The following MARK4 variants were observed in gnomAD, a reference collection of about 807,000 sequenced individuals.
MARK4 encodes microtubule affinity regulating kinase 4, also known as MAP/microtubule affinity-regulating kinase 4.
A neutral mutation model predicts 81.5 loss-of-function variants in MARK4; 19 were observed. That is an observed-to-expected ratio of 0.23 (90% CI 0.16 to 0.34). The LOEUF (loss-of-function observed/expected upper bound fraction) is 0.34. Among genes scored for constraint, MARK4 ranks in the 10% least tolerant of loss-of-function variants. MARK4 has a pLI of 1.00. For synonymous variants in MARK4, 436 were observed against 439.0 expected (o/e 0.99, Z 0.08); for missense variants, 772 against 1,058.8 (o/e 0.73, Z 3.76).
intron 8 of MARK4, 57 bp from the exon 9 acceptor site, chr19:45,277,866 T>TGC: frequency 7.2e-7 from 1 of 1,393,248 alleles, no homozygotes; most frequent in South Asian, 1.3e-5. Context: ...TGTGTGTGTG[T>TGC]GTGTAATAGG....
intron 13 of MARK4, among the ~76,000 whole-genome samples, chr19:45,293,685 A>G (rs1970847568): frequency 6.6e-6 from 1 of 152,200 alleles, no homozygotes; most frequent in Admixed American, 6.5e-5. Context: ...CTCTCTTCCT[A>G]ACATGTTTAT....
At position 45,304,349 on chromosome 19, in the gene MARK4, C is replaced by G. The variant is rs1172878137; in HGVS notation, c.*1639C>G. 1 of 152,208 alleles carries G rather than the reference C, an allele frequency of 6.6e-6. No individual in the cohort carries two copies. The highest frequency in any genetic ancestry group is 2.4e-5 in the African/African-American group (1 of 41,450). 9.4% of individuals were successfully genotyped at this position (152,208 alleles called of 1,614,324 possible). Reference sequence around the variant, plus strand: ...TTTCTCTAAACCAATCACTGTGACTCTAGAGTGGCCAGACTCAGAGCTGCA... The same window carrying G: ...TTTCTCTAAACCAATCACTGTGACTGTAGAGTGGCCAGACTCAGAGCTGCA... On this transcript the variant is annotated 3_prime_UTR_variant, in exon 17 of 17. Transcript: ENST00000262891.
At chr19:45,252,089 C>A (rs1019086062) in intron 1 of MARK4, among the ~76,000 whole-genome samples, 1 of 152,048 alleles carries the variant, frequency 6.6e-6, no homozygotes, top group African/African-American at 2.4e-5. Flanking sequence ...CTCCGGCCTT[C>A]CCTGTCTGGG....
At position 45,280,367 on chromosome 19, in the gene MARK4, C is replaced by T. The variant is rs773724421; in HGVS notation, c.1007-7C>T. 2.5e-6 allele frequency: 4 copies of T among 1,610,464 alleles called. No individual in the cohort carries two copies. The highest frequency in any genetic ancestry group is 2.2e-5 in the East Asian group (1 of 44,864). ...GTCTGAAACTTCTCTCCATCCCCCCCTCCCAGAGGTGATGGTGGGTATGGG... is the reference window on the plus strand; with the variant it reads ...GTCTGAAACTTCTCTCCATCCCCCCTTCCCAGAGGTGATGGTGGGTATGGG... On this transcript the variant is annotated splice_polypyrimidine_tract_variant and splice_region_variant and intron_variant, in intron 10 of 16. Coordinates refer to ENST00000262891, the MANE Select transcript of MARK4 (RefSeq NM_001199867.2).
intron 2 of MARK4, among the ~76,000 whole-genome samples, chr19:45,260,489 C>T (rs922649891): frequency 2.0e-5 from 3 of 151,368 alleles, no homozygotes; most frequent in Non-Finnish European, 4.4e-5. Context: ...GTCAGGAGTT[C>T]GAGACCAGCC....
chr19:45,269,712 A>G (rs1443335457), intron 7 of MARK4, among the ~76,000 whole-genome samples: 1 of 152,170 alleles, frequency 6.6e-6, no homozygotes, highest in Non-Finnish European at 1.5e-5. Flanking sequence ...TTTAGATTCT[A>G]GTTGTGCTGC....
chr19:45,271,773 A>C lies in MARK4; in HGVS notation c.786+65A>C. Reference sequence around the variant, plus strand: ...CCACAGTCAGGCCCCTATCCCCCCCACACCTCCCCTGCAGAGGGCCTCAGT... The same window carrying C: ...CCACAGTCAGGCCCCTATCCCCCCCCCACCTCCCCTGCAGAGGGCCTCAGT... On this transcript the variant is annotated intron_variant, in intron 8 of 16. Transcript: ENST00000262891. This position sits in a 1 kb window ranked among gnomAD's most constrained non-coding sequence, Gnocchi z 4.1. The C allele has an allele frequency of 6.3e-6, 9 of 1,432,900 alleles. No homozygotes were observed. The highest frequency in any genetic ancestry group is 8.7e-6 in the Non-Finnish European group (9 of 1,039,878). 88.8% of individuals were successfully genotyped at this position (1,432,900 alleles called of 1,614,324 possible). A position where few individuals can be genotyped will look rare whatever the true frequency, so the allele number is the denominator to read the frequency against.
At chr19:45,283,387 C>T (rs1241167194) in intron 12 of MARK4, among the ~76,000 whole-genome samples, 2 of 126,236 alleles carry the variant, frequency 1.6e-5, no homozygotes, top group East Asian at 2.4e-4. Flanking sequence ...CTAGCCTGGG[C>T]GATAAGAGTG....
rs1265670036 is a variant in MARK4, at chr19:45,278,632, G to A, written c.1006+17G>A. 1 of 1,592,466 alleles carries A rather than the reference G, an allele frequency of 6.3e-7. No homozygotes were observed. Among genetic ancestry groups the A allele is most frequent in the East Asian group, 2.2e-5 (1 of 44,722 alleles). On this transcript the variant is annotated intron_variant, in intron 10 of 16. Coordinates refer to ENST00000262891, the MANE Select transcript of MARK4 (RefSeq NM_001199867.2). The stretch of plus-strand genomic sequence containing the variant: ...AGAGAATTGGTGAGGGTCAGGGAGA[G>A]CCATCCTGTCACCCAGGATGGAGTG...
chr19:45,277,433 ATTTTTTTTTT>A (rs35920861), intron 8 of MARK4, among the ~76,000 whole-genome samples: 2 of 131,874 alleles, frequency 1.5e-5, no homozygotes, highest in African/African-American at 5.9e-5. Context: ...TGTAGCTTAA[ATTTTTTTTTT>A]TTTTTTTTTG....
intron 14 of MARK4, among the ~76,000 whole-genome samples, chr19:45,296,797 C>T (rs764741667): frequency 6.6e-6 from 1 of 152,202 alleles, no homozygotes; most frequent in Non-Finnish European, 1.5e-5. Flanking sequence ...CACCTGGAAT[C>T]CCAGCACTTT....
At chr19:45,263,755 A>AG (rs1382282306) in intron 4 of MARK4, among the ~76,000 whole-genome samples, 3 of 151,660 alleles carry the variant, frequency 2.0e-5, no homozygotes, top group Non-Finnish European at 4.4e-5. Context: ...AAAAAAAAAA[A>AG]AAGAAAAAGT....
chr19:45,266,205 A>C lies in MARK4; in HGVS notation c.493-20A>C, dbSNP rs748783676. The C allele has an allele frequency of 6.2e-7, 1 of 1,613,510 alleles. No homozygotes were observed. The highest frequency in any genetic ancestry group is 2.2e-5 in the East Asian group (1 of 44,870). On this transcript the variant is annotated intron_variant, in intron 6 of 16. Transcript: ENST00000262891. Reference sequence around the variant, plus strand: ...GGGTTTTGGGAGCCACAAATAACCAACCTTCCCCTTCCCTCCCAGATTGTT... The same window carrying C: ...GGGTTTTGGGAGCCACAAATAACCACCCTTCCCCTTCCCTCCCAGATTGTT...
rs1223181986 is a variant in MARK4 at position 45,297,869 on chromosome 19, G to T, written c.1792G>T (p.Ala598Ser). 6.5e-7 allele frequency: 1 copy of T among 1,548,622 alleles called. No individual in the cohort carries two copies. The highest frequency in any genetic ancestry group is 1.4e-5 in the African/African-American group (1 of 72,994). ...QNGPPASPTL[A>S]HEAAPLPAGR... ...TGGGCCCCCTGCCTCTCCCACACTG[G>T]CCCATGAGGCTGCACCCCTGCCCGC... The change falls in exon 15 of 17, where the codon GCC becomes TCC. Residue 598 changes from alanine (A) to serine (S), a missense_variant. Coordinates refer to ENST00000262891, the MANE Select transcript of MARK4 (RefSeq NM_001199867.2).
At chr19:45,300,702 A>G (rs1178337773) in intron 16 of MARK4, among the ~76,000 whole-genome samples, 1 of 152,152 alleles carries the variant, frequency 6.6e-6, no homozygotes, top group African/African-American at 2.4e-5. Flanking sequence ...TTAGAGACCC[A>G]AGTGGAAACC....
intron 14 of MARK4, 145 bp downstream of exon 14, chr19:45,294,597 G>C: frequency 1.4e-6 from 1 of 697,522 alleles, no homozygotes; most frequent in South Asian, 1.7e-5. Context: ...TGGCAGAATC[G>C]ACCCATGTAC....
intron 8 of MARK4, among the ~76,000 whole-genome samples, chr19:45,276,146 C>T (rs1033549476): frequency 6.6e-6 from 1 of 152,220 alleles, no homozygotes; most frequent in Non-Finnish European, 1.5e-5. Context: ...CCTGCTTCAG[C>T]CTCCTGAGTA....
chr19:45,256,107 T>A (rs1358200394), intron 1 of MARK4, among the ~76,000 whole-genome samples: 1 of 152,096 alleles, frequency 6.6e-6, no homozygotes, highest in Non-Finnish European at 1.5e-5. Flanking sequence ...GGAAGGAGGA[T>A]AACAGGGATT....
chr19:45,294,267 G>A, intron 13 of MARK4, 82 bp from the exon 14 acceptor site: 3 of 1,314,484 alleles, frequency 2.3e-6, no homozygotes, highest in Non-Finnish European at 3.3e-6. Context: ...TTCATCGATG[G>A]GGAGGGCAGA....
Sources: gnomAD v4.1 joint callset for allele counts (sites outside exome capture counted in the v4.1 genomes callset) on GRCh38, gnomAD v4.1.1 for gene constraint, Gnocchi (gnomAD v3.1) non-coding constraint, MANE v1.5 for transcripts, NCBI Gene and HGNC (gene_info 2026-07-23, HGNC 2026-07-21) for gene names.